Variants in NECAP2 observed in about 807,000 individuals in gnomAD.
NECAP2 encodes NECAP endocytosis associated 2.
Under a neutral mutation model 37.8 loss-of-function variants are expected in NECAP2, and 38 were observed. That is an observed-to-expected ratio of 1.01 (90% confidence interval 0.78 to 1.32). The LOEUF is 1.32. Among genes scored for constraint, NECAP2 ranks in the 40% most tolerant of loss-of-function variants. NECAP2 has a pLI of 0.00. For synonymous variants in NECAP2, 121 were observed against 127.7 expected (o/e 0.95, Z 0.35); for missense variants, 316 against 334.5 (o/e 0.94, Z 0.43).
At chr1:16,458,530 A>G (rs1174692927) in intron 7 of NECAP2, among the ~76,000 whole-genome samples, 2 of 151,880 alleles carry the variant, frequency 1.3e-5, no homozygotes, top group Non-Finnish European at 2.9e-5. Context: ...GGTTGAGGCT[A>G]TAGTTGGCCT....
rs764820273 is a variant in NECAP2, at chr1:16,443,612, AGTG to A, written c.93-16_93-14del. ...CAGCAGGAGCCTCTGGCAGAGATTC[AGTG>A]GTGTTTGTCCCCTTAGGGCTGCGGA... On this transcript the variant is annotated splice_polypyrimidine_tract_variant and intron_variant, in intron 1 of 7. Coordinates refer to ENST00000337132, the MANE Select transcript of NECAP2 (RefSeq NM_018090.5). 1 of 1,585,150 alleles carries A rather than the reference AGTG, an allele frequency of 6.3e-7. No homozygotes were observed.
chr1:16,456,317 G>A (rs111942200), intron 7 of NECAP2, among the ~76,000 whole-genome samples: 24 of 152,176 alleles, frequency 1.6e-4, no homozygotes, highest in Non-Finnish European at 2.6e-4. Flanking sequence ...GAGCCACCGC[G>A]CCTGGCCTGA....
Position 16,459,040 on chromosome 1 carries a change from A to G in NECAP2, c.*150A>G, listed in dbSNP as rs752485538. On this transcript the variant is annotated 3_prime_UTR_variant, in exon 8 of 8. Coordinates refer to ENST00000337132, the MANE Select transcript of NECAP2 (RefSeq NM_018090.5). ...GTCTGGCTCTGTTGACAAACCGGGC[A>G]TGTTTGGCAGTAAATTGGCACCGTG... 3.3e-6 allele frequency: 5 copies of G among 1,528,634 alleles called. No homozygotes were observed. Among genetic ancestry groups the G allele is most frequent in the Non-Finnish European group, 4.4e-6 (5 of 1,135,300 alleles). 94.7% of individuals were successfully genotyped at this position (1,528,634 alleles called of 1,614,324 possible). A position where few individuals can be genotyped will look rare whatever the true frequency, so the allele number is the denominator to read the frequency against.
chr1:16,441,549 C>T (rs1328855627), intron 1 of NECAP2: 2 of 152,008 alleles, frequency 1.3e-5, no homozygotes, highest in Non-Finnish European at 2.9e-5. Context: ...CGTTTTACTA[C>T]TCTTTGTATG....
chr1:16,449,050 G>T, intron 4 of NECAP2, 43 bp from the exon 5 acceptor site: 1 of 1,341,102 alleles, frequency 7.5e-7, no homozygotes. Context: ...CAGGGCAGCT[G>T]GTCTCTTCCT....
intron 2 of NECAP2, among the ~76,000 whole-genome samples, chr1:16,446,487 A>G (rs1192856522): frequency 6.6e-6 from 1 of 151,952 alleles, no homozygotes; most frequent in East Asian, 1.9e-4. Context: ...TGAGCCCAGG[A>G]GTTCGAGGCT....
intron 7 of NECAP2, among the ~76,000 whole-genome samples, chr1:16,458,405 C>T (rs1234678574): frequency 6.6e-6 from 1 of 151,964 alleles, no homozygotes; most frequent in Non-Finnish European, 1.5e-5. Flanking sequence ...AGTTCGAGAC[C>T]AGCCTGGGCA....
chr1:16,455,924 G>GGGGCCA (rs1310155355), intron 7 of NECAP2, 31 bp downstream of exon 7: 6 of 1,569,652 alleles, frequency 3.8e-6, no homozygotes, highest in Middle Eastern at 1.7e-4. Flanking sequence ...CGGAGGGGCT[G>GGGGCCA]GGGCCAGGGC....
rs750520549 is a variant in NECAP2, at chr1:16,458,929, C to T, written c.*39C>T. ...TTTCCTCATGTGACTTCTGGGAAGGCGCTCCCTCATCTGGGCCAAAGGAAG... is the reference window on the plus strand; with the variant it reads ...TTTCCTCATGTGACTTCTGGGAAGGTGCTCCCTCATCTGGGCCAAAGGAAG... On this transcript the variant is annotated 3_prime_UTR_variant, in exon 8 of 8. Transcript: ENST00000337132. 3.6e-5 allele frequency: 58 copies of T among 1,613,884 alleles called. No homozygotes were observed. The South Asian group carries it at 4.0e-4, about 11-fold the overall frequency.
Position 16,456,515 on chromosome 1 carries a change from C to T in NECAP2, c.743+622C>T, listed in dbSNP as rs1030659240. On this transcript the variant is annotated intron_variant, in intron 7 of 7. Coordinates refer to ENST00000337132, the MANE Select transcript of NECAP2 (RefSeq NM_018090.5). ...GTCCCCAGTACCTCCTTCTTCTATACCCCATCCCCCACCTTCCCCAAAATA... is the reference window on the plus strand; with the variant it reads ...GTCCCCAGTACCTCCTTCTTCTATATCCCATCCCCCACCTTCCCCAAAATA... 2.6e-5 allele frequency among the ~76,000 whole-genome samples: 4 copies of T among 152,148 alleles called. No individual in the cohort carries two copies. The East Asian group carries it at 7.7e-4, about 29-fold the overall frequency.
At position 16,459,355 on chromosome 1, in the gene NECAP2, G is replaced by T. The variant is rs2086978176; in HGVS notation, c.*465G>T. The T allele has an allele frequency of 6.2e-6, 1 of 160,146 alleles. No homozygotes were observed. Among genetic ancestry groups the T allele is most frequent in the Non-Finnish European group, 1.4e-5 (1 of 73,588 alleles). 9.9% of individuals were successfully genotyped at this position (160,146 alleles called of 1,614,324 possible). On this transcript the variant is annotated 3_prime_UTR_variant, in exon 8 of 8. Coordinates refer to ENST00000337132, the MANE Select transcript of NECAP2 (RefSeq NM_018090.5). Reference sequence around the variant, plus strand: ...ACTTCAGTCCATCTGCCCTCCAGAGGAGGGGTTTCTTCCTGATTTTTAGCA... The same window carrying T: ...ACTTCAGTCCATCTGCCCTCCAGAGTAGGGGTTTCTTCCTGATTTTTAGCA...
Position 16,440,775 on chromosome 1 carries a change from G to A in NECAP2, c.14G>A (p.Gly5Glu). 6.2e-7 allele frequency: 1 copy of A among 1,614,110 alleles called. No homozygotes were observed. The highest frequency in any genetic ancestry group is 8.5e-7 in the Non-Finnish European group (1 of 1,179,960). The change falls in exon 1 of 8, where the codon GGG becomes GAG. Residue 5 changes from glycine (G) to glutamate (E), a missense_variant. By Grantham distance (98) the Gly-to-Glu change is moderately conservative. Coordinates refer to ENST00000337132, the MANE Select transcript of NECAP2 (RefSeq NM_018090.5). ...CCAGGCGTCGCGATGGAGGAGAGCG[G>A]GTACGAGTCGGTGCTCTGTGTCAAG... MEES[G>E]YESVLCVKPD...
chr1:16,454,549 G>A (rs930886525), intron 6 of NECAP2, among the ~76,000 whole-genome samples: 26 of 151,764 alleles, frequency 1.7e-4, no homozygotes, highest in South Asian at 6.3e-4. Context: ...AGAGACAGAG[G>A]TTTCACCACG....
chr1:16,443,646 A>C lies in NECAP2; in HGVS notation c.107A>C (p.Gln36Pro). Residue 36 changes from glutamine to proline, a missense_variant, in exon 2 of 8, where the codon CAG becomes CCG. By Grantham distance (76) the Gln-to-Pro change is moderately conservative (BLOSUM62 -1). Around this residue, in one of 3 missense-constraint regions of NECAP2, gnomAD observed 81 missense variants for 124.2 expected, o/e 0.65. Transcript: ENST00000337132. ...TGTCCCCTTAGGGCTGCGGAGTGGC[A>C]GCTGGACCAGCCATCATGGAGTGGC... ...TNRGYRAAEW[Q>P]LDQPSWSGRL... 1 of 1,610,782 alleles carries C rather than the reference A, an allele frequency of 6.2e-7. No homozygotes were observed. Among genetic ancestry groups the C allele is most frequent in the Non-Finnish European group, 8.5e-7 (1 of 1,179,372 alleles).
chr1:16,441,132 G>T, intron 1 of NECAP2: 1 of 469,742 alleles, frequency 2.1e-6, no homozygotes. Flanking sequence ...AAACTTGGTC[G>T]GGGGTGGTGA....
intron 1 of NECAP2, among the ~76,000 whole-genome samples, chr1:16,443,118 C>T (rs1188636949): frequency 3.3e-5 from 5 of 152,176 alleles, no homozygotes; most frequent in Non-Finnish European, 7.3e-5. Context: ...CAAGCAGTGT[C>T]AGAAACAGAA....
rs989789582 is a variant in NECAP2, at chr1:16,448,204, C to T, written c.380+63C>T. The T allele has an allele frequency of 4.0e-6, 6 of 1,483,118 alleles. No homozygotes were observed. The Admixed American group carries it at 5.0e-5, about 12-fold the overall frequency. 91.9% of individuals were successfully genotyped at this position (1,483,118 alleles called of 1,614,324 possible). On this transcript the variant is annotated intron_variant, in intron 4 of 7. Transcript: ENST00000337132. ...CTTCTTTCCCTGGACAGAATGATCT[C>T]CCAGGTTAGGATACCCAAGTGTTTG...
intron 1 of NECAP2, chr1:16,441,423 A>G (rs959216464): frequency 3.3e-5 from 5 of 152,846 alleles, no homozygotes; most frequent in Admixed American, 1.3e-4. Context: ...CCTGAGACGA[A>G]TAAACACACA....
At position 16,459,979 on chromosome 1, in the gene NECAP2, G is replaced by C. The variant is rs1212755663; in HGVS notation, c.*1089G>C. The C allele has an allele frequency of 6.6e-6, 1 of 152,216 alleles. No individual in the cohort carries two copies. The highest frequency in any genetic ancestry group is 2.4e-5 in the African/African-American group (1 of 41,454). 9.4% of individuals were successfully genotyped at this position (152,216 alleles called of 1,614,324 possible). A position where few individuals can be genotyped will look rare whatever the true frequency, so the allele number is the denominator to read the frequency against. ...TTATTAACTCACCTCTCAGTTGAAA[G>C]ATTTCTTCTTTGAAAGGTCAAGACC... On this transcript the variant is annotated 3_prime_UTR_variant, in exon 8 of 8. Coordinates refer to ENST00000337132, the MANE Select transcript of NECAP2 (RefSeq NM_018090.5).
Sources: allele counts gnomAD v4.1 joint callset (sites outside exome capture counted in the v4.1 genomes callset), GRCh38; gene constraint gnomAD v4.1.1; regional missense constraint gnomAD v4.1.1; transcripts MANE v1.5; gene names NCBI Gene and HGNC (gene_info 2026-07-23, HGNC 2026-07-21).